The following KAZN variants were observed in gnomAD, a reference collection of about 807,000 sequenced individuals.
KAZN encodes the protein kazrin.
KAZN carries 40 observed loss-of-function variants against 87.4 expected under a neutral mutation model. The observed-to-expected ratio is 0.46, with a 90% confidence interval of 0.36 to 0.60. KAZN has a LOEUF of 0.60. Ranked by LOEUF, KAZN falls within the 20% of genes least tolerant of loss-of-function variation. The pLI is 0.00. For missense variants in KAZN, 898 were observed against 1,073.9 expected, an observed-to-expected ratio of 0.84 and a Z score of 2.29; for synonymous variants, 466 against 458.3, an observed-to-expected ratio of 1.02 and a Z score of -0.22.
chr1:14,398,365 C>T (rs2101121283), intron 2 of KAZN, among the ~76,000 whole-genome samples: 1 of 152,354 alleles, frequency 6.6e-6, no homozygotes, highest in African/African-American at 2.4e-5. Flanking sequence ...GGCAAGGCAC[C>T]TCAATTTCCT....
At chr1:15,054,946 T>G (rs189687357) in intron 4 of KAZN, among the ~76,000 whole-genome samples, 49 of 152,368 alleles carry the variant, frequency 3.2e-4, no homozygotes, top group African/African-American at 1.2e-3. Context: ...GATCTGCCTG[T>G]CCCCAGCCTG....
At chr1:14,635,629 G>A (rs765784456) in intron 1 of KAZN, among the ~76,000 whole-genome samples, 3 of 152,150 alleles carry the variant, frequency 2.0e-5, no homozygotes, top group African/African-American at 2.4e-5. Flanking sequence ...CCTCTGCCAC[G>A]TTCTCTCAGG....
chr1:14,723,165 C>T (rs1416055638), intron 1 of KAZN, among the ~76,000 whole-genome samples: 1 of 152,104 alleles, frequency 6.6e-6, no homozygotes, highest in Non-Finnish European at 1.5e-5. Flanking sequence ...TCCATTTCCT[C>T]CTCCTGACCC....
chr1:13,962,424 G>A (rs1641788302), intron 1 of KAZN, among the ~76,000 whole-genome samples: 1 of 152,170 alleles, frequency 6.6e-6, no homozygotes, highest in African/African-American at 2.4e-5. Flanking sequence ...GAGGGGTGGA[G>A]GAGGTGAGCT....
Position 14,444,240 on chromosome 1 carries a change from C to T in KAZN, c.250-154743C>T, listed in dbSNP as rs118089848. Among the ~76,000 whole-genome samples, 87 of 152,052 alleles carry T rather than the reference C, an allele frequency of 5.7e-4. 1 individual carries two copies. In the East Asian group the frequency reaches 0.014, roughly 25 times the overall value. On this transcript the variant is annotated intron_variant, in intron 2 of 16. Coordinates refer to the KAZN transcript ENST00000636203. ...AAATCCACTGCAGCAGTGATCCTTA[C>T]CTGATGGTTTCTTTGGTGTCACCCG... is the stretch of plus-strand genomic sequence containing the variant.
chr1:14,691,434 A>G (rs79762420), intron 1 of KAZN, among the ~76,000 whole-genome samples: 3,370 of 152,310 alleles, frequency 0.022, 140 homozygotes, highest in African/African-American at 0.078. Flanking sequence ...AAAGAATAAC[A>G]GTATTAACAG....
intron 2 of KAZN, among the ~76,000 whole-genome samples, chr1:14,399,130 A>T (rs933575317): frequency 6.6e-6 from 1 of 152,084 alleles, no homozygotes; most frequent in Non-Finnish European, 1.5e-5. Flanking sequence ...AGCTCAAGCG[A>T]TCCTCCCACC....
intron 2 of KAZN, among the ~76,000 whole-genome samples, chr1:14,586,166 A>G (rs74057874): frequency 0.011 from 1,626 of 152,368 alleles, 31 homozygotes; most frequent in African/African-American, 0.035. Context: ...GTTTGCTATC[A>G]GTTTCAAGGA....
intron 1 of KAZN, among the ~76,000 whole-genome samples, chr1:14,748,205 C>G (rs553593306): frequency 1.3e-4 from 20 of 151,820 alleles, no homozygotes; most frequent in African/African-American, 4.8e-4. Flanking sequence ...AGATTTTCTC[C>G]CAGAAAAAAC....
intron 1 of KAZN, among the ~76,000 whole-genome samples, chr1:14,083,111 A>T (rs1169459314): frequency 6.6e-6 from 1 of 152,126 alleles, no homozygotes; most frequent in Non-Finnish European, 1.5e-5. Context: ...ACCTCTTCAG[A>T]CATTAAAAGT....
At chr1:14,030,505 C>T (rs1337309148) in intron 1 of KAZN, among the ~76,000 whole-genome samples, 14 of 151,964 alleles carry the variant, frequency 9.2e-5, no homozygotes, top group Non-Finnish European at 1.8e-4. Flanking sequence ...GGGTGCAGCG[C>T]ACCCGCATGG....
intron 1 of KAZN, among the ~76,000 whole-genome samples, chr1:14,737,877 G>A (rs1215080255): frequency 2.0e-5 from 3 of 152,124 alleles, no homozygotes; most frequent in Non-Finnish European, 2.9e-5. Flanking sequence ...GCAGGGCCCC[G>A]GCTCTTTTAA....
At chr1:14,561,450 G>A (rs1048531185) in intron 2 of KAZN, among the ~76,000 whole-genome samples, 5 of 152,192 alleles carry the variant, frequency 3.3e-5, no homozygotes, top group African/African-American at 2.4e-5. Flanking sequence ...TTGATTGGCT[G>A]CTTTGGGTCC....
chr1:14,145,118 C>T (rs371897220), intron 1 of KAZN, among the ~76,000 whole-genome samples: 7 of 152,230 alleles, frequency 4.6e-5, no homozygotes, highest in East Asian at 1.9e-4. Flanking sequence ...TCATTATTTA[C>T]GACTCTCCCA....
At chr1:14,608,970 G>A (rs530913255) in intron 1 of KAZN, among the ~76,000 whole-genome samples, 9 of 152,166 alleles carry the variant, frequency 5.9e-5, no homozygotes, top group African/African-American at 2.2e-4. Flanking sequence ...TTTGAAATTG[G>A]CAAGAATACG....
chr1:14,205,460 C>T (rs1404234061), intron 2 of KAZN, among the ~76,000 whole-genome samples: 1 of 152,110 alleles, frequency 6.6e-6, no homozygotes, highest in East Asian at 1.9e-4. Context: ...CCCTAGCCTG[C>T]ATCATAATTG....
chr1:14,771,048 T>C (rs1645005833), intron 1 of KAZN, among the ~76,000 whole-genome samples: 1 of 152,160 alleles, frequency 6.6e-6, no homozygotes, highest in South Asian at 2.1e-4. Context: ...CATGTGATCT[T>C]ACCCTTCCCG....
chr1:14,968,404 CCTGCTT>C (rs1170039417), intron 2 of KAZN, among the ~76,000 whole-genome samples: 14 of 152,172 alleles, frequency 9.2e-5, no homozygotes, highest in African/African-American at 3.1e-4. Flanking sequence ...TGCTGTGCAG[CCTGCTT>C]CCTAAGAGGC....
At chr1:14,070,245 AG>A (rs1025533264) in intron 1 of KAZN, among the ~76,000 whole-genome samples, 35 of 150,724 alleles carry the variant, frequency 2.3e-4, no homozygotes, top group Middle Eastern at 3.5e-3. Context: ...AATTAAAGGG[AG>A]GTGAAGGGAT....
Sources: allele counts gnomAD v4.1 joint callset (sites outside exome capture counted in the v4.1 genomes callset), GRCh38; gene constraint gnomAD v4.1.1; transcripts MANE v1.5; gene names NCBI Gene and HGNC (gene_info 2026-07-23, HGNC 2026-07-21).